Variants in KALRN observed in about 807,000 individuals in gnomAD.
KALRN encodes the protein kalirin RhoGEF kinase, also known as kalirin.
KALRN carries 70 observed loss-of-function variants against 353.7 expected under a neutral mutation model. The ratio of observed to expected loss-of-function variants is 0.20; its 90% CI spans 0.16 to 0.24. The LOEUF (loss-of-function observed/expected upper bound fraction) is 0.24. KALRN is among the 10% of genes least tolerant of loss of function. KALRN has a pLI of 1.00. For synonymous variants in KALRN, 1,391 were observed against 1,434.8 expected (o/e 0.97, Z 0.69); for missense variants, 2,791 against 3,756.7 (o/e 0.74, Z 6.72).
At position 124,325,481 on chromosome 3, in the gene KALRN, G is replaced by A. The variant is rs76986547; in HGVS notation, c.1093-499G>A. ...CTTTGCTAGGTGATAGGAAGATGTG[G>A]AATTACTGTGTCTCCTTTGCCCTCT... On this transcript the variant is annotated intron_variant, in intron 6 of 59. Transcript: ENST00000682506. 2.2e-3 allele frequency among the ~76,000 whole-genome samples: 332 copies of A among 152,290 alleles called. 7 individuals are homozygous for A. The East Asian group carries it at 0.033, about 15-fold the overall frequency.
chr3:124,548,946 GC>G (rs995026617), intron 33 of KALRN, among the ~76,000 whole-genome samples: 3 of 152,220 alleles, frequency 2.0e-5, no homozygotes, highest in African/African-American at 7.2e-5. Context: ...GAACCACCGT[GC>G]CTGGTCCCAT....
At position 124,442,072 on chromosome 3, in the gene KALRN, C is replaced by T. The variant is rs1488584000; in HGVS notation, c.3313+13C>T. On this transcript the variant is annotated intron_variant, in intron 19 of 59. Coordinates refer to ENST00000682506, the MANE Select transcript of KALRN (RefSeq NM_001388419.1). The stretch of plus-strand genomic sequence containing the variant: ...CAACAAGTGAAAGGTCAGTGAGAGA[C>T]CTGCCCAGCCACCAGTCACTTCAGC... 6.5e-7 allele frequency: 1 copy of T among 1,544,524 alleles called. No homozygotes were observed. The highest frequency in any genetic ancestry group is 8.9e-7 in the Non-Finnish European group (1 of 1,127,082).
chr3:124,120,356 A>G (rs971888060), intron 1 of KALRN, among the ~76,000 whole-genome samples: 10 of 152,260 alleles, frequency 6.6e-5, no homozygotes, highest in Admixed American at 5.2e-4. Flanking sequence ...CTTGCAATCC[A>G]CAGGTGGTTT....
chr3:124,159,535 G>A (rs533604187), intron 1 of KALRN, among the ~76,000 whole-genome samples: 3 of 149,756 alleles, frequency 2.0e-5, no homozygotes, highest in African/African-American at 7.4e-5. Context: ...GCCTCCCAAA[G>A]TGCTGGGATT....
chr3:124,402,599 G>A (rs978674071), intron 13 of KALRN, among the ~76,000 whole-genome samples: 1 of 152,126 alleles, frequency 6.6e-6, no homozygotes, highest in Non-Finnish European at 1.5e-5. Flanking sequence ...ATTTTTAGAA[G>A]CAAGAATAGG....
chr3:124,581,595 G>A (rs1389961188), intron 34 of KALRN, among the ~76,000 whole-genome samples: 1 of 152,094 alleles, frequency 6.6e-6, no homozygotes, highest in Non-Finnish European at 1.5e-5. Context: ...AGTGTTATCT[G>A]AACACAAAAA....
chr3:124,253,924 C>G (rs74431746), intron 3 of KALRN, among the ~76,000 whole-genome samples: 2 of 152,220 alleles, frequency 1.3e-5, no homozygotes, highest in African/African-American at 4.8e-5. Flanking sequence ...TCTGCTTCCC[C>G]ACCTGCCATC....
intron 3 of KALRN, among the ~76,000 whole-genome samples, chr3:124,250,187 G>A (rs2070928360): frequency 6.6e-6 from 1 of 152,230 alleles, no homozygotes; most frequent in African/African-American, 2.4e-5. Flanking sequence ...GGAGAAAGAG[G>A]AGGAGGGAAG....
chr3:124,701,115 G>A (rs184700785), intron 56 of KALRN, among the ~76,000 whole-genome samples: 4 of 152,234 alleles, frequency 2.6e-5, no homozygotes, highest in Admixed American at 6.5e-5. Flanking sequence ...CTCCAGCCCC[G>A]GATGATGCTG....
chr3:124,505,665 G>A (rs1237930252), intron 33 of KALRN, among the ~76,000 whole-genome samples: 1 of 152,086 alleles, frequency 6.6e-6, no homozygotes, highest in Non-Finnish European at 1.5e-5. Flanking sequence ...ATCTTTAAGC[G>A]AAAATTTGCT....
In KALRN at chr3:124,672,917, C is replaced by T. The variant is rs540845723; in HGVS notation, c.6942+1019C>T. On this transcript the variant is annotated intron_variant, in intron 48 of 59. Coordinates refer to ENST00000682506, the MANE Select transcript of KALRN (RefSeq NM_001388419.1). The stretch of plus-strand genomic sequence containing the variant: ...ATGTTCCAGTTTTATAGTTTTATTT[C>T]TCCTCAAAATTATTAGTTTATATTG... 3.3e-5 allele frequency among the ~76,000 whole-genome samples: 5 copies of T among 152,218 alleles called. No individual in the cohort carries two copies. The South Asian group carries it at 1.0e-3, about 32-fold the overall frequency.
intron 19 of KALRN, among the ~76,000 whole-genome samples, chr3:124,443,966 T>G (rs1238142582): frequency 6.6e-6 from 1 of 152,222 alleles, no homozygotes; most frequent in Non-Finnish European, 1.5e-5. Context: ...CTACAATCCC[T>G]TATATATCAG....
At chr3:124,221,934 T>C (rs1255257440) in intron 1 of KALRN, among the ~76,000 whole-genome samples, 1 of 152,182 alleles carries the variant, frequency 6.6e-6, no homozygotes, top group Non-Finnish European at 1.5e-5. Context: ...TGTTCTCAGA[T>C]GCAGAGCTCC....
At position 124,072,072 on chromosome 3, in the gene KALRN, G is replaced by A. The variant is rs571891665; in HGVS notation, c.73+38259G>A. Among the ~76,000 whole-genome samples the A allele has an allele frequency of 1.5e-3, 229 of 152,242 alleles. 1 individual carries two copies. Among genetic ancestry groups the A allele is most frequent in the South Asian group, 9.1e-3 (44 of 4,818 alleles). On this transcript the variant is annotated intron_variant, in intron 1 of 59. Coordinates refer to ENST00000682506, the MANE Select transcript of KALRN (RefSeq NM_001388419.1). ...AAGTTTTCAAGTTTTTTCTTCTAAG[G>A]ACTAAAGCTGGATGTTCTTCCATGG...
rs184397257 is a variant in KALRN, at chr3:124,607,332, C to T, written c.5183-25088C>T. 6.6e-4 allele frequency among the ~76,000 whole-genome samples: 101 copies of T among 152,240 alleles called. 2 individuals are homozygous for T. Among genetic ancestry groups the T allele is most frequent in the Admixed American group, 5.6e-3 (85 of 15,304 alleles). On this transcript the variant is annotated intron_variant, in intron 34 of 59. Transcript: ENST00000682506. ...AGTATAAACATTGTGCAAGAACAAA[C>T]TGTGTGTCTATGTGGGTGAATGCAT...
chr3:124,375,266 G>A (rs1474216496), intron 10 of KALRN, among the ~76,000 whole-genome samples: 1 of 152,194 alleles, frequency 6.6e-6, no homozygotes, highest in Admixed American at 6.5e-5. Flanking sequence ...TCAGAGCTCC[G>A]TGTCTGCATA....
chr3:124,691,743 C>CCA (rs1275184503), intron 51 of KALRN, among the ~76,000 whole-genome samples: 2 of 152,178 alleles, frequency 1.3e-5, no homozygotes, highest in Non-Finnish European at 2.9e-5. Context: ...GACTGGGATG[C>CCA]CATTCTCCCT....
intron 34 of KALRN, among the ~76,000 whole-genome samples, chr3:124,608,395 G>C: frequency 6.6e-6 from 1 of 152,070 alleles, no homozygotes; most frequent in East Asian, 1.9e-4. Context: ...AATTTTTCAA[G>C]GGCCATGAAG....
In KALRN at chr3:124,264,618, C is replaced by T; in HGVS notation, c.384C>T (p.Ala128=). The T allele has an allele frequency of 6.2e-7, 1 of 1,614,086 alleles. No individual in the cohort carries two copies. The highest frequency in any genetic ancestry group is 8.5e-7 in the Non-Finnish European group (1 of 1,179,964). ...QEAFPAEIHV[A]LIIKPDNFWQ... ...CCTTTCCAGCTGAGATCCATGTGGC[C>T]CTCATCATTAAACCCGACAACTTCT... The change falls in exon 4 of 60, where the codon GCC becomes GCT. Residue 128 remains alanine (A), a synonymous_variant. Transcript: ENST00000682506.
Sources: allele counts gnomAD v4.1 joint callset (sites outside exome capture counted in the v4.1 genomes callset), GRCh38; gene constraint gnomAD v4.1.1; transcripts MANE v1.5; gene names NCBI Gene and HGNC (gene_info 2026-07-23, HGNC 2026-07-21).